The following CSNK1G1 variants were observed in gnomAD, a reference collection of about 807,000 sequenced individuals.
CSNK1G1 encodes the protein casein kinase I isoform gamma-1.
CSNK1G1 carries 22 observed loss-of-function variants against 59.6 expected under a neutral mutation model. The ratio of observed to expected loss-of-function variants is 0.37; its 90% confidence interval spans 0.26 to 0.53. The LOEUF (loss-of-function observed/expected upper bound fraction) is 0.53. Among genes scored for constraint, CSNK1G1 ranks in the 20% least tolerant of loss-of-function variants. The pLI is 0.89. For missense variants in CSNK1G1, 384 were observed against 519.5 expected (o/e 0.74, Z 2.54); for synonymous variants, 179 against 177.1 (o/e 1.01, Z -0.08).
At chr15:64,227,014 T>C (rs1237154369) in intron 4 of CSNK1G1, among the ~76,000 whole-genome samples, 2 of 152,258 alleles carry the variant, frequency 1.3e-5, no homozygotes, top group Admixed American at 1.3e-4. Flanking sequence ...TAATTTTTTG[T>C]ATGTCAGCAC....
intron 1 of CSNK1G1, among the ~76,000 whole-genome samples, chr15:64,326,918 C>T (rs1896873993): frequency 6.6e-6 from 1 of 150,572 alleles, no homozygotes; most frequent in African/African-American, 2.4e-5. Context: ...GTGACGGACG[C>T]ACCTGGAAAA....
In CSNK1G1 at chr15:64,272,273, T is replaced by C. The variant is rs1464370633; in HGVS notation, c.182-13032A>G. ...CTCTGTCGCCCAGGCTGGAGTGCAG[T>C]GGCGCAATCTCGGCTCACTGCAAGC... On this transcript the variant is annotated intron_variant, in intron 2 of 11. Transcript: ENST00000303052. Among the ~76,000 whole-genome samples, 7 of 151,282 alleles carry C rather than the reference T, an allele frequency of 4.6e-5. No individual in the cohort carries two copies. In the East Asian group the frequency reaches 7.9e-4, roughly 17 times the overall value.
chr15:64,310,185 TGTCAATA>T (rs1895915173), intron 1 of CSNK1G1, among the ~76,000 whole-genome samples: 4 of 152,048 alleles, frequency 2.6e-5, no homozygotes, highest in Non-Finnish European at 5.9e-5. Context: ...TTTCTGGAAT[TGTCAATA>T]GTCAGCTATT....
chr15:64,319,907 T>A (rs1005553723), intron 1 of CSNK1G1, among the ~76,000 whole-genome samples: 1 of 146,970 alleles, frequency 6.8e-6, no homozygotes, highest in Non-Finnish European at 1.5e-5. Context: ...ACTGCCTAAG[T>A]AGATCAGGGC....
At chr15:64,308,887 A>ACTC (rs1484967224) in intron 1 of CSNK1G1, among the ~76,000 whole-genome samples, 15 of 91,234 alleles carry the variant, frequency 1.6e-4, no homozygotes, top group African/African-American at 5.0e-4. Flanking sequence ...ACAGAGTGAG[A>ACTC]CTCTGTCTCA....
At chr15:64,213,029 C>T (rs2082268212) in intron 6 of CSNK1G1, among the ~76,000 whole-genome samples, 2 of 152,098 alleles carry the variant, frequency 1.3e-5, no homozygotes, top group Admixed American at 1.3e-4. Context: ...AAATAAAATA[C>T]ATCTTAGTGT....
chr15:64,186,415 C>A (rs1053866342), intron 10 of CSNK1G1, among the ~76,000 whole-genome samples: 2 of 152,226 alleles, frequency 1.3e-5, no homozygotes, highest in Non-Finnish European at 2.9e-5. Context: ...ACAGCTGCTA[C>A]TCTCTTGTTC....
chr15:64,297,638 C>A (rs527914929), intron 2 of CSNK1G1, among the ~76,000 whole-genome samples: 2 of 151,510 alleles, frequency 1.3e-5, no homozygotes, highest in Non-Finnish European at 2.9e-5. Context: ...TTGGAGGCTG[C>A]GTGAGCTATG....
intron 1 of CSNK1G1, among the ~76,000 whole-genome samples, chr15:64,323,853 T>G (rs1896698356): frequency 6.6e-6 from 1 of 152,238 alleles, no homozygotes; most frequent in Non-Finnish European, 1.5e-5. Context: ...CAGCTGATTT[T>G]ACTGTTCTAT....
At chr15:64,234,265 T>C (rs113284001) in intron 4 of CSNK1G1, among the ~76,000 whole-genome samples, 2,449 of 152,136 alleles carry the variant, frequency 0.016, 61 homozygotes, top group African/African-American at 0.049. Context: ...CATGAGGCTG[T>C]TAAAATAAAT....
At chr15:64,289,323 C>G (rs377721020) in intron 2 of CSNK1G1, among the ~76,000 whole-genome samples, 1 of 152,190 alleles carries the variant, frequency 6.6e-6, no homozygotes, top group South Asian at 2.1e-4. Flanking sequence ...CATATTAATG[C>G]AATGCAGACT....
intron 6 of CSNK1G1, among the ~76,000 whole-genome samples, chr15:64,209,904 T>C (rs1385780726): frequency 6.6e-6 from 1 of 152,178 alleles, no homozygotes; most frequent in African/African-American, 2.4e-5. Context: ...TTTTAAACAG[T>C]TGAGCACTAG....
chr15:64,198,881 G>A (rs908609394), intron 10 of CSNK1G1, among the ~76,000 whole-genome samples: 7 of 151,966 alleles, frequency 4.6e-5, no homozygotes, highest in African/African-American at 1.7e-4. Flanking sequence ...GAATCCTGGT[G>A]GGAAGGCGTT....
rs889702928 is a variant in CSNK1G1 at position 64,317,531 on chromosome 15, T to TC, written c.-224-16809_-224-16808insG. 3.7e-3 allele frequency among the ~76,000 whole-genome samples: 20 copies of TC among 5,438 alleles called. No individual in the cohort carries two copies. The Admixed American group carries it at 0.16, about 44-fold the overall frequency. The allele number at this position is 5,438 out of a possible 152,430, so 3.6% of individuals were successfully genotyped here. A position where few individuals can be genotyped will look rare whatever the true frequency, so the allele number is the denominator to read the frequency against. ...ATCCATCAAAGTGATAAGGTTTCTC[T>TC]TTTTTTTTTTTTTTAATGTGGTGAA... is the stretch of plus-strand genomic sequence containing the variant. On this transcript the variant is annotated intron_variant, in intron 1 of 11. Coordinates refer to ENST00000303052, the MANE Select transcript of CSNK1G1 (RefSeq NM_022048.5).
intron 1 of CSNK1G1, among the ~76,000 whole-genome samples, chr15:64,322,795 T>A (rs1896630832): frequency 6.6e-6 from 1 of 152,164 alleles, no homozygotes. Flanking sequence ...CATTCCAGCC[T>A]GGGTGACAGA....
At chr15:64,229,033 A>G (rs935629433) in intron 4 of CSNK1G1, among the ~76,000 whole-genome samples, 25 of 151,732 alleles carry the variant, frequency 1.6e-4, no homozygotes, top group South Asian at 4.2e-4. Context: ...AAAAAAAAAA[A>G]AAAAAGAAAA....
intron 7 of CSNK1G1, among the ~76,000 whole-genome samples, chr15:64,206,917 T>C (rs964799125): frequency 2.6e-5 from 4 of 152,154 alleles, no homozygotes; most frequent in Non-Finnish European, 5.9e-5. Context: ...ATTTTCCAAG[T>C]TTTCCTGAGG....
intron 1 of CSNK1G1, among the ~76,000 whole-genome samples, chr15:64,348,858 G>A (rs540565291): frequency 6.6e-5 from 10 of 152,208 alleles, no homozygotes; most frequent in South Asian, 6.2e-4. Flanking sequence ...TTGGCAAGGC[G>A]CGGTGGCTCA....
chr15:64,354,841 C>T (rs1463864797), intron 1 of CSNK1G1, among the ~76,000 whole-genome samples: 1 of 152,218 alleles, frequency 6.6e-6, no homozygotes, highest in Non-Finnish European at 1.5e-5. Flanking sequence ...TAACTAGCAA[C>T]TGGCATAGTC....
Sources: allele counts gnomAD v4.1 joint callset (sites outside exome capture counted in the v4.1 genomes callset), GRCh38; gene constraint gnomAD v4.1.1; transcripts MANE v1.5; gene names NCBI Gene and HGNC (gene_info 2026-07-23, HGNC 2026-07-21).